TSPAN16: variants seen among roughly 807,000 people sequenced by gnomAD.
TSPAN16 encodes tetraspanin-16.
Under a neutral mutation model 25.2 loss-of-function variants are expected in TSPAN16, and 23 were observed. The observed-to-expected ratio is 0.91, with a 90% confidence interval of 0.66 to 1.29. The LOEUF (loss-of-function observed/expected upper bound fraction) is 1.29. Among genes scored for constraint, TSPAN16 ranks in the 50% most tolerant of loss-of-function variants. TSPAN16 has a pLI of 0.00. For missense variants in TSPAN16, 272 were observed against 299.9 expected (o/e 0.91, Z 0.69); for synonymous variants, 123 against 124.4 (o/e 0.99, Z 0.08).
chr19:11,312,084 T>G (rs529953554), intron 5 of TSPAN16, 55 bp from the exon 6 acceptor site: 2 of 1,401,142 alleles, frequency 1.4e-6, no homozygotes, highest in Admixed American at 1.8e-5. Flanking sequence ...GATGGGGACT[T>G]GCAATCCATA....
At chr19:11,316,116 TG>T (rs2080747091), downstream of TSPAN16, 2 of 276,414 alleles carry the variant, frequency 7.2e-6, no homozygotes, top group Non-Finnish European at 1.2e-5. Context: ...TGTGTGTGTG[TG>T]GTTTTTTTTT....
chr19:11,309,431 A>C (rs2080666343), intron 5 of TSPAN16, among the ~76,000 whole-genome samples: 1 of 152,144 alleles, frequency 6.6e-6, no homozygotes, highest in African/African-American at 2.4e-5. Context: ...CTGTTCCAGC[A>C]CACTGGCCTC....
At chr19:11,305,256 G>T (rs923650116) in intron 4 of TSPAN16, among the ~76,000 whole-genome samples, 3 of 152,106 alleles carry the variant, frequency 2.0e-5, no homozygotes, top group African/African-American at 7.2e-5. Flanking sequence ...GGTGCTGGGC[G>T]CAGTGGCTCA....
intron 3 of TSPAN16, 47 bp downstream of exon 3, chr19:11,298,993 A>G (rs2080512383): frequency 4.4e-6 from 7 of 1,595,398 alleles, no homozygotes; most frequent in Non-Finnish European, 6.0e-6. Flanking sequence ...AAGATAAAGA[A>G]CCAAGGACGG....
At chr19:11,302,660 C>CATATATATATTATAT (rs1320880788) in intron 4 of TSPAN16, among the ~76,000 whole-genome samples, 14 of 97,844 alleles carry the variant, frequency 1.4e-4, no homozygotes, top group African/African-American at 6.8e-4. Flanking sequence ...TATACACATA[C>CATATATATATTATAT]ATATATATAT....
intron 5 of TSPAN16, among the ~76,000 whole-genome samples, chr19:11,309,227 AAAAAG>A (rs2080663728): frequency 6.6e-6 from 1 of 152,120 alleles, no homozygotes; most frequent in Non-Finnish European, 1.5e-5. Context: ...CAAAAAAAAA[AAAAAG>A]AAGAAGAAAT....
chr19:11,310,936 C>T (rs923838261), intron 5 of TSPAN16, among the ~76,000 whole-genome samples: 1 of 152,104 alleles, frequency 6.6e-6, no homozygotes, highest in African/African-American at 2.4e-5. Flanking sequence ...CTCCTAGGCT[C>T]AAATGATCCT....
chr19:11,319,772 C>T (rs1302828081), downstream of TSPAN16, among the ~76,000 whole-genome samples: 1 of 152,106 alleles, frequency 6.6e-6, no homozygotes, highest in East Asian at 1.9e-4. Context: ...TGTTCATCAA[C>T]TCAGAAGCTC....
chr19:11,313,456 G>A (rs1484561072), intron 6 of TSPAN16, among the ~76,000 whole-genome samples: 4 of 151,616 alleles, frequency 2.6e-5, no homozygotes, highest in Non-Finnish European at 5.9e-5. Flanking sequence ...GAATCTGGGA[G>A]GTGGAATTTA....
rs114207785 is a variant in TSPAN16 at position 11,326,388 on chromosome 19, A to G, written c.688-406A>G. Among the ~76,000 whole-genome samples, 568 of 152,262 alleles carry G rather than the reference A, an allele frequency of 3.7e-3. 9 individuals carry two copies. Among genetic ancestry groups the G allele is most frequent in the African/African-American group, 0.013 (550 of 41,568 alleles). ...GGAGCAAGACCCTGTCTCAAAAACA[A>G]AACAAAACGAAACCCTGCGGCTGCA... On this transcript the variant is annotated intron_variant, in intron 6 of 6. Coordinates refer to the TSPAN16 transcript ENST00000316737.
chr19:11,310,561 C>T lies in TSPAN16; in HGVS notation c.604-1578C>T, dbSNP rs938909358. On this transcript the variant is annotated intron_variant, in intron 5 of 6. Transcript: ENST00000590327. Reference sequence around the variant, plus strand: ...GCAGGAAGGAGAGAGGAGGCCCTACCATCTTCAGGAGGATGCCCTGCCAAC... The same window carrying T: ...GCAGGAAGGAGAGAGGAGGCCCTACTATCTTCAGGAGGATGCCCTGCCAAC... 2.0e-5 allele frequency among the ~76,000 whole-genome samples: 3 copies of T among 151,420 alleles called. No individual in the cohort carries two copies. The East Asian group carries it at 5.8e-4, about 29-fold the overall frequency.
chr19:11,296,541 A>G lies in TSPAN16; in HGVS notation c.69+175A>G, dbSNP rs560505270. On this transcript the variant is annotated intron_variant, in intron 1 of 6. Coordinates refer to ENST00000590327, the MANE Select transcript of TSPAN16 (RefSeq NM_001282509.2). ...AGGAGCAGGGAGCGTGGGGACCTCC[A>G]TCAACCGAGAGCTGGTGAAATCCAG... Among the ~76,000 whole-genome samples, 6 of 152,268 alleles carry G rather than the reference A, an allele frequency of 3.9e-5. No individual in the cohort carries two copies. In the South Asian group the frequency reaches 8.3e-4, roughly 21 times the overall value.
chr19:11,301,828 A>AT (rs34234134), intron 4 of TSPAN16, among the ~76,000 whole-genome samples: 52,878 of 144,804 alleles, frequency 0.37, 9,900 homozygotes, highest in African/African-American at 0.49. Context: ...ATCGTTTAAC[A>AT]TTTTTTTTTT....
At chr19:11,325,434 A>G in intron 6 of TSPAN16, 1 of 1,606,138 alleles carries the variant, frequency 6.2e-7, no homozygotes. Context: ...GGGCTGGAGC[A>G]TCCCCCACGG....
At chr19:11,323,597 AC>A (rs2080794100) in intron 6 of TSPAN16, 1 of 152,204 alleles carries the variant, frequency 6.6e-6, no homozygotes, top group South Asian at 2.1e-4. Flanking sequence ...TATCAAAAAA[AC>A]AAATGAAAAA....
chr19:11,316,475 C>T (rs2080750203), downstream of TSPAN16, among the ~76,000 whole-genome samples: 1 of 152,068 alleles, frequency 6.6e-6, no homozygotes, highest in African/African-American at 2.4e-5. Context: ...CCAAGAACAT[C>T]CATCCAGAGA....
intron 4 of TSPAN16, among the ~76,000 whole-genome samples, chr19:11,303,638 G>T (rs543434998): frequency 1.4e-5 from 2 of 146,580 alleles, no homozygotes; most frequent in Non-Finnish European, 3.0e-5. Context: ...GCCTCCCAAA[G>T]TGCTGGGATT....
At chr19:11,325,614 G>C in intron 6 of TSPAN16, 1 of 1,447,122 alleles carries the variant, frequency 6.9e-7, no homozygotes, top group Non-Finnish European at 9.1e-7. Context: ...GGGGACACTC[G>C]TAAGACCCCT....
Position 11,306,498 on chromosome 19 carries a change from C to T in TSPAN16, c.451-106C>T, listed in dbSNP as rs981531823. ...TTTGTAAGAGGATGTTTAGCACAGTCTCTGGGATATTGTGACCATACTAGA... is the reference window on the plus strand; with the variant it reads ...TTTGTAAGAGGATGTTTAGCACAGTTTCTGGGATATTGTGACCATACTAGA... On this transcript the variant is annotated intron_variant, in intron 4 of 6. Coordinates refer to ENST00000590327, the MANE Select transcript of TSPAN16 (RefSeq NM_001282509.2). 6 of 1,357,092 alleles carry T rather than the reference C, an allele frequency of 4.4e-6. No homozygotes were observed. In the African/African-American group the frequency reaches 5.7e-5, roughly 13 times the overall value. The allele number at this position is 1,357,092 out of a possible 1,614,324, so 84.1% of individuals were successfully genotyped here.
Sources: allele counts gnomAD v4.1 joint callset (sites outside exome capture counted in the v4.1 genomes callset), GRCh38; gene constraint gnomAD v4.1.1; transcripts MANE v1.5; gene names NCBI Gene and HGNC (gene_info 2026-07-23, HGNC 2026-07-21).